Variants in CDH6 observed in about 807,000 individuals in gnomAD.
CDH6 encodes cadherin 6, also known as cadherin-6.
In CDH6, 31 loss-of-function variants were observed where a neutral mutation model predicts 78.0. The ratio of observed to expected loss-of-function variants is 0.40; its 90% CI spans 0.30 to 0.54. CDH6 has a LOEUF of 0.54. Ranked by LOEUF, CDH6 falls within the 20% of genes least tolerant of loss-of-function variation. The pLI, the probability that CDH6 is intolerant of heterozygous loss-of-function variation, is 0.56. For missense variants in CDH6, 724 were observed against 975.9 expected (o/e 0.74, Z 3.44); for synonymous variants, 376 against 368.8 (o/e 1.02, Z -0.23).
At chr5:31,310,595 A>T (rs1270186320) in intron 7 of CDH6, among the ~76,000 whole-genome samples, 1 of 152,188 alleles carries the variant, frequency 6.6e-6, no homozygotes, top group African/African-American at 2.4e-5. Flanking sequence ...GTACTCCATG[A>T]TGTCTCCACC....
intron 2 of CDH6, among the ~76,000 whole-genome samples, chr5:31,277,024 G>A (rs540764772): frequency 6.6e-6 from 1 of 152,306 alleles, no homozygotes; most frequent in East Asian, 1.9e-4. Context: ...CCCACTGATG[G>A]CCAATGTTGT....
chr5:31,259,967 A>T (rs1742168910), intron 1 of CDH6, among the ~76,000 whole-genome samples: 2 of 152,246 alleles, frequency 1.3e-5, no homozygotes, highest in South Asian at 2.1e-4. Context: ...AAAGGCCACC[A>T]GAACTTTTGA....
chr5:31,221,529 C>T (rs780836782), intron 1 of CDH6, among the ~76,000 whole-genome samples: 2 of 152,048 alleles, frequency 1.3e-5, no homozygotes, highest in South Asian at 2.1e-4. Context: ...TTTTCACTGA[C>T]CTTTATTAAA....
chr5:31,279,102 C>G lies in CDH6; in HGVS notation c.228+11401C>G, dbSNP rs533382794. Among the ~76,000 whole-genome samples, 30 of 152,174 alleles carry G rather than the reference C, an allele frequency of 2.0e-4. No homozygotes were observed. In the East Asian group the frequency reaches 5.2e-3, roughly 26 times the overall value. On this transcript the variant is annotated intron_variant, in intron 2 of 11. Transcript: ENST00000265071. ...CATTATACTTGAACATTGAACAACCCAAGGGTTCAGGGCACCAACCTGCAT... is the reference window on the plus strand; with the variant it reads ...CATTATACTTGAACATTGAACAACCGAAGGGTTCAGGGCACCAACCTGCAT...
chr5:31,200,466 T>C (rs980899216), intron 1 of CDH6, among the ~76,000 whole-genome samples: 1 of 151,864 alleles, frequency 6.6e-6, no homozygotes, highest in Admixed American at 6.6e-5. Context: ...ATCTAGTAAG[T>C]AAAAATAATT....
intron 1 of CDH6, among the ~76,000 whole-genome samples, chr5:31,247,069 C>T (rs184552202): frequency 1.2e-3 from 177 of 152,228 alleles, no homozygotes; most frequent in African/African-American, 4.0e-3. Flanking sequence ...TTTTTAATTC[C>T]GCATTTTGGG....
intron 1 of CDH6, chr5:31,250,020 A>G (rs1741866153): frequency 6.6e-6 from 1 of 152,232 alleles, no homozygotes; most frequent in Admixed American, 6.5e-5. Flanking sequence ...TAGAATACAG[A>G]TGTGGTTTCG....
intron 1 of CDH6, among the ~76,000 whole-genome samples, chr5:31,247,678 T>C (rs904339327): frequency 2.0e-5 from 3 of 152,234 alleles, no homozygotes; most frequent in Non-Finnish European, 4.4e-5. Context: ...TGATTCATTC[T>C]GTTTTTAAAA....
intron 2 of CDH6, among the ~76,000 whole-genome samples, chr5:31,293,660 A>G (rs537514050): frequency 8.6e-4 from 131 of 152,244 alleles, no homozygotes; most frequent in Non-Finnish European, 1.5e-3. Context: ...AGCCACCCTA[A>G]TACGTCCTTG....
chr5:31,280,462 T>C (rs1178633879), intron 2 of CDH6, among the ~76,000 whole-genome samples: 1 of 151,938 alleles, frequency 6.6e-6, no homozygotes, highest in East Asian at 1.9e-4. Flanking sequence ...CTCAGAGGAG[T>C]TCAGGGACCC....
At chr5:31,215,948 GT>G (rs1740849263) in intron 1 of CDH6, among the ~76,000 whole-genome samples, 1 of 152,000 alleles carries the variant, frequency 6.6e-6, no homozygotes, top group South Asian at 2.1e-4. Flanking sequence ...ATGACTGTGT[GT>G]TTACACTCAC....
At chr5:31,239,623 G>A (rs1171604984) in intron 1 of CDH6, among the ~76,000 whole-genome samples, 2 of 152,206 alleles carry the variant, frequency 1.3e-5, no homozygotes, top group African/African-American at 4.8e-5. Flanking sequence ...TGAATTTAGG[G>A]TTTACCCCAA....
chr5:31,196,490 A>G (rs1197861195), intron 1 of CDH6, among the ~76,000 whole-genome samples: 1 of 152,214 alleles, frequency 6.6e-6, no homozygotes, highest in Admixed American at 6.5e-5. Flanking sequence ...ACGAATGCCA[A>G]CACACTAAGG....
intron 8 of CDH6, among the ~76,000 whole-genome samples, chr5:31,315,993 G>A (rs1161755032): frequency 6.6e-6 from 1 of 152,116 alleles, no homozygotes; most frequent in East Asian, 1.9e-4. Context: ...AAGTGGCTTT[G>A]TCACCCATGT....
Position 31,328,956 on chromosome 5 carries a change from G to T in CDH6, c.*5648G>T, listed in dbSNP as rs1365988248. ...GCTCAGTGTGGCCGGGCCTTTTGTT[G>T]CAGTCAAATGGCAAATACGCACTCC... On this transcript the variant is annotated 3_prime_UTR_variant, in exon 12 of 12. Coordinates refer to ENST00000265071, the MANE Select transcript of CDH6 (RefSeq NM_004932.4). The T allele has an allele frequency of 9.0e-6, 2 of 221,202 alleles. No homozygotes were observed. Among genetic ancestry groups the T allele is most frequent in the Non-Finnish European group, 1.8e-5 (2 of 110,640 alleles). 13.7% of individuals were successfully genotyped at this position (221,202 alleles called of 1,614,324 possible).
chr5:31,261,800 G>A (rs1018093646), intron 1 of CDH6, among the ~76,000 whole-genome samples: 9 of 152,062 alleles, frequency 5.9e-5, no homozygotes, highest in Non-Finnish European at 8.8e-5. Flanking sequence ...TTTCAAATCT[G>A]TCTTATATTT....
At chr5:31,279,866 A>G (rs1742805900) in intron 2 of CDH6, among the ~76,000 whole-genome samples, 2 of 152,216 alleles carry the variant, frequency 1.3e-5, no homozygotes, top group Admixed American at 1.3e-4. Flanking sequence ...CCAACCACAT[A>G]TATCATGTTA....
intron 1 of CDH6, among the ~76,000 whole-genome samples, chr5:31,242,829 C>A (rs79579337): frequency 6.6e-6 from 1 of 150,864 alleles, no homozygotes; most frequent in Admixed American, 6.6e-5. Flanking sequence ...TGCCACCAGC[C>A]TGGGCAACAT....
At chr5:31,280,601 G>A (rs73089377) in intron 2 of CDH6, among the ~76,000 whole-genome samples, 3,616 of 152,170 alleles carry the variant, frequency 0.024, 157 homozygotes, top group African/African-American at 0.083. Context: ...TTTCAGATAC[G>A]GTGGGCAAAT....
Sources: allele counts gnomAD v4.1 joint callset (sites outside exome capture counted in the v4.1 genomes callset), GRCh38; gene constraint gnomAD v4.1.1; transcripts MANE v1.5; gene names NCBI Gene and HGNC (gene_info 2026-07-23, HGNC 2026-07-21).